Variants in NTRK1 observed in about 807,000 individuals in gnomAD.
NTRK1 encodes neurotrophic receptor tyrosine kinase 1, also known as high affinity nerve growth factor receptor.
Under a neutral mutation model 86.8 loss-of-function variants are expected in NTRK1, and 62 were observed. That is an observed-to-expected ratio of 0.71 (90% CI 0.58 to 0.88). The LOEUF is 0.88. Among genes scored for constraint, NTRK1 ranks in the 40% least tolerant of loss-of-function variants. The probability of loss-of-function intolerance (pLI) is 0.00; values close to 1 mark genes in which losing one functional copy is unlikely to be tolerated. For synonymous variants in NTRK1, 469 were observed against 456.6 expected (o/e 1.03, Z -0.35); for missense variants, 967 against 1,078.4 (o/e 0.90, Z 1.45).
chr1:156,822,609 G>GTAAA lies in NTRK1; in HGVS notation c.-64+6771_-64+6772insTAAA, dbSNP rs60950376. Among the ~76,000 whole-genome samples the GTAAA allele has an allele frequency of 5.1e-3, 414 of 81,322 alleles. 6 individuals carry two copies. The highest frequency in any genetic ancestry group is 0.013 in the African/African-American group (397 of 31,230). The allele number at this position is 81,322 out of a possible 152,430, so 53.4% of individuals were successfully genotyped here. A position where few individuals can be genotyped will look rare whatever the true frequency, so the allele number is the denominator to read the frequency against. ...CTCAAAGACCGAGGCTAAAAGATTA[G>GTAAA]AAAAAAAAAAAAAAAAAAAAGCTAT... On this transcript the variant is annotated intron_variant, in intron 1 of 16. Coordinates refer to the NTRK1 transcript ENST00000392302.
intron 1 of NTRK1, chr1:156,816,525 G>T (rs970911846): frequency 1.8e-5 from 12 of 668,950 alleles, no homozygotes; most frequent in Non-Finnish European, 2.5e-6. Flanking sequence ...CCCAGGCAGG[G>T]TTGTGGTCAC....
intron 1 of NTRK1, chr1:156,815,933 C>T (rs372843554): frequency 2.5e-4 from 407 of 1,608,606 alleles, no homozygotes; most frequent in Non-Finnish European, 3.2e-4. Context: ...TGTCCATCTG[C>T]AAGTCCTTCC....
chr1:156,869,471 C>CT (rs1290153282), intron 6 of NTRK1, among the ~76,000 whole-genome samples: 4 of 152,112 alleles, frequency 2.6e-5, no homozygotes, highest in Middle Eastern at 6.8e-3. Flanking sequence ...GTATCGTGGT[C>CT]TTTTTTCTGG....
At chr1:156,831,150 CT>C (rs1472478902) in intron 1 of NTRK1, among the ~76,000 whole-genome samples, 1 of 152,164 alleles carries the variant, frequency 6.6e-6, no homozygotes, top group Non-Finnish European at 1.5e-5. Context: ...CTGGGGGCAT[CT>C]GGGCTGGGCC....
chr1:156,828,842 G>A (rs1654391193), intron 1 of NTRK1, among the ~76,000 whole-genome samples: 1 of 152,242 alleles, frequency 6.6e-6, no homozygotes, highest in Non-Finnish European at 1.5e-5. Context: ...TTGTACGTAG[G>A]AAATGACCAG....
chr1:156,849,731 A>G (rs561607099), intron 2 of NTRK1, among the ~76,000 whole-genome samples: 28 of 151,478 alleles, frequency 1.8e-4, no homozygotes, highest in African/African-American at 5.6e-4. Flanking sequence ...CCTTCCCTCG[A>G]CTCTCTTTGA....
chr1:156,841,313 G>C, intron 1 of NTRK1: 6 of 1,367,400 alleles, frequency 4.4e-6, no homozygotes, highest in African/African-American at 1.4e-5. Flanking sequence ...CATCAGAGGA[G>C]GTGAGCCAGA....
rs2274498 is a variant in NTRK1 at position 156,873,862 on chromosome 1, G to C, written c.1080G>C (p.Thr360=). ...QPTHVNNGNY[T]LLAANPFGQA... ...CCCACGTCAACAACGGCAACTACAC[G>C]CTGCTGGCTGCCAACCCCTTCGGCC... The change falls in exon 8 of 17, where the codon ACG becomes ACC. Residue 360 remains threonine (T), a synonymous_variant. Transcript: ENST00000524377. 22 of 1,603,022 alleles carry C rather than the reference G, an allele frequency of 1.4e-5. No homozygotes were observed. The East Asian group carries it at 5.0e-4, about 36-fold the overall frequency.
rs545215100 is a variant in NTRK1, at chr1:156,850,607, T to A, written c.50+8414T>A. Among the ~76,000 whole-genome samples, 8 of 132,806 alleles carry A rather than the reference T, an allele frequency of 6.0e-5. No individual in the cohort carries two copies. The South Asian group carries it at 2.1e-3, about 34-fold the overall frequency. The allele number at this position is 132,806 out of a possible 152,430, so 87.1% of individuals were successfully genotyped here. A position where few individuals can be genotyped will look rare whatever the true frequency, so the allele number is the denominator to read the frequency against. On this transcript the variant is annotated intron_variant, in intron 2 of 16. Transcript: ENST00000392302. Reference sequence around the variant, plus strand: ...CTGTAACTCAGGCCCTAGGCTGGAGTGCAGTGGCACGATTTCGGCTCACTG... The same window carrying A: ...CTGTAACTCAGGCCCTAGGCTGGAGAGCAGTGGCACGATTTCGGCTCACTG...
intron 1 of NTRK1, among the ~76,000 whole-genome samples, chr1:156,863,084 G>T (rs1055679900): frequency 6.6e-6 from 1 of 150,974 alleles, no homozygotes; most frequent in African/African-American, 2.4e-5. Flanking sequence ...TGGGGTGGGG[G>T]GGGCACACTA....
At chr1:156,839,723 A>G (rs999859120) in intron 1 of NTRK1, among the ~76,000 whole-genome samples, 4 of 152,124 alleles carry the variant, frequency 2.6e-5, no homozygotes, top group Non-Finnish European at 4.4e-5. Context: ...TCCAGAAAAT[A>G]CCTACCCAGT....
At chr1:156,872,347 T>G (rs1347198663) in intron 7 of NTRK1, among the ~76,000 whole-genome samples, 1 of 152,196 alleles carries the variant, frequency 6.6e-6, no homozygotes, top group East Asian at 1.9e-4. Flanking sequence ...TGTTGACTTT[T>G]GTCAGGATAA....
chr1:156,830,427 C>T (rs920457548), intron 1 of NTRK1, among the ~76,000 whole-genome samples: 3 of 152,152 alleles, frequency 2.0e-5, no homozygotes, highest in African/African-American at 7.2e-5. Flanking sequence ...CTTATTATAT[C>T]TTCACCCCTC....
chr1:156,876,427 C>T lies in NTRK1; in HGVS notation c.1660C>T (p.Arg554Trp), dbSNP rs761240200. The stretch of plus-strand genomic sequence containing the variant: ...ACTGAAGGAGGCGTCCGAGAGTGCT[C>T]GGCAGGACTTCCAGCGTGAGGCTGA... ...KALKEASESARQDFQREAELL... is the reference protein window; with the variant it reads ...KALKEASESAWQDFQREAELL... Residue 554 changes from arginine to tryptophan, a missense_variant, in exon 14 of 17, where the codon CGG becomes TGG. Around this residue, in one of 2 missense-constraint regions of NTRK1, gnomAD observed 637 missense variants for 776.5 expected, o/e 0.82. Transcript: ENST00000524377. 8 of 1,613,710 alleles carry T rather than the reference C, an allele frequency of 5.0e-6. No homozygotes were observed. Among genetic ancestry groups the T allele is most frequent in the East Asian group, 4.5e-5 (2 of 44,850 alleles).
rs769056105 is a variant in NTRK1 at position 156,846,514 on chromosome 1, C to T, written c.50+4321C>T. ...GACTGACTCTTGCACCCTCCAAATG[C>T]CTACCTGCAGGCAGCGTTCGGAGGT... On this transcript the variant is annotated intron_variant, in intron 2 of 16. Transcript: ENST00000392302. 7.5e-6 allele frequency: 12 copies of T among 1,610,630 alleles called. No individual in the cohort carries two copies. The African/African-American group carries it at 1.1e-4, about 14-fold the overall frequency.
chr1:156,867,012 A>T lies in NTRK1; in HGVS notation c.428+34A>T. On this transcript the variant is annotated intron_variant, in intron 4 of 16. Transcript: ENST00000524377. ...GGGCGCTTCCAGGGGCAAGAGCACC[A>T]AGTGTGTGTGTGCCTGTGTGCACTT... 4 of 1,606,914 alleles carry T rather than the reference A, an allele frequency of 2.5e-6. No individual in the cohort carries two copies. The South Asian group carries it at 4.4e-5, about 18-fold the overall frequency.
intron 6 of NTRK1, among the ~76,000 whole-genome samples, chr1:156,870,418 G>A (rs1332358361): frequency 6.6e-6 from 1 of 152,136 alleles, no homozygotes; most frequent in Non-Finnish European, 1.5e-5. Flanking sequence ...TTAAATGGAG[G>A]AGAAGAGAGG....
chr1:156,840,825 T>A (rs1394483790), intron 1 of NTRK1: 2 of 1,434,940 alleles, frequency 1.4e-6, no homozygotes, highest in Non-Finnish European at 9.7e-7. Context: ...AGAGGTCGGG[T>A]CCCTTCCTGT....
chr1:156,844,591 A>G (rs377672084), intron 2 of NTRK1: 1 of 1,614,216 alleles, frequency 6.2e-7, no homozygotes, highest in Non-Finnish European at 8.5e-7. Context: ...AACTTCGCAT[A>G]TCGAAGACGG....
Sources: gnomAD v4.1 joint callset for allele counts (sites outside exome capture counted in the v4.1 genomes callset) on GRCh38, gnomAD v4.1.1 for gene constraint, gnomAD v4.1.1 regional missense constraint, MANE v1.5 for transcripts, NCBI Gene and HGNC (gene_info 2026-07-23, HGNC 2026-07-21) for gene names.